WDR88: variants seen among roughly 807,000 people sequenced by gnomAD.
WDR88 encodes the protein WD repeat domain 88.
In WDR88, 40 loss-of-function variants were observed where a neutral mutation model predicts 46.8. That is an observed-to-expected ratio of 0.86 (90% CI 0.66 to 1.11). WDR88 has a LOEUF of 1.11. WDR88 is among the 50% of genes most tolerant of loss of function. The probability of loss-of-function intolerance (pLI) is 0.00; values close to 1 mark genes in which losing one functional copy is unlikely to be tolerated. For synonymous variants in WDR88, 235 were observed against 240.7 expected (o/e 0.98, Z 0.22); for missense variants, 562 against 602.4 (o/e 0.93, Z 0.70).
chr19:33,149,027 T>A, intron 5 of WDR88, 117 bp downstream of exon 5: 2 of 1,461,438 alleles, frequency 1.4e-6, no homozygotes, highest in Non-Finnish European at 1.8e-6. Context: ...ATGAAGCACG[T>A]CATTAAAGCT....
intron 8 of WDR88, among the ~76,000 whole-genome samples, chr19:33,160,969 T>C (rs1051090491): frequency 6.6e-6 from 1 of 151,692 alleles, no homozygotes; most frequent in African/African-American, 2.4e-5. Context: ...GTCAGGAGTT[T>C]GAGACCAGCC....
At position 33,175,439 on chromosome 19, in the gene WDR88, C is replaced by T. The variant is rs77589178; in HGVS notation, c.1286C>T (p.Thr429Ile). 1 of 1,614,120 alleles carries T rather than the reference C, an allele frequency of 6.2e-7. No individual in the cohort carries two copies. The highest frequency in any genetic ancestry group is 8.5e-7 in the Non-Finnish European group (1 of 1,180,018). Residue 429 changes from threonine (T) to isoleucine (I), a missense_variant, in exon 11 of 11, where the codon ACC (threonine) becomes ATC (isoleucine). Thr to Ile is a moderately conservative substitution (Grantham distance 89). Transcript: ENST00000355868. ...CCTTTCTCCATCTTCAAGAGTGACACCTCTTCTGAAATGTTCACCCAATGC... is the reference window on the plus strand; with the variant it reads ...CCTTTCTCCATCTTCAAGAGTGACATCTCTTCTGAAATGTTCACCCAATGC... The part of the protein sequence containing the change: ...DRPFSIFKSD[T>I]SSEMFTQCVF...
At chr19:33,172,233 G>A (rs1486192096) in intron 9 of WDR88, 115 bp from the exon 10 acceptor site, 1 of 830,538 alleles carries the variant, frequency 1.2e-6, no homozygotes, top group Non-Finnish European at 2.0e-6. Flanking sequence ...TGCATTGAAG[G>A]TTCCTCTGTC....
At chr19:33,173,458 C>G (rs930367128) in intron 10 of WDR88, among the ~76,000 whole-genome samples, 2 of 152,258 alleles carry the variant, frequency 1.3e-5, no homozygotes, top group Non-Finnish European at 2.9e-5. Context: ...GGAGGCAACT[C>G]TCCGCTGGAG....
At chr19:33,150,406 G>A (rs956264150) in intron 5 of WDR88, among the ~76,000 whole-genome samples, 1 of 152,216 alleles carries the variant, frequency 6.6e-6, no homozygotes, top group Non-Finnish European at 1.5e-5. Flanking sequence ...CCGAAATCGC[G>A]CCTCTGCGCT....
chr19:33,148,261 G>A (rs538789320), intron 4 of WDR88, among the ~76,000 whole-genome samples: 4 of 151,896 alleles, frequency 2.6e-5, no homozygotes, highest in East Asian at 1.9e-4. Context: ...GGGCCTCCTC[G>A]GGGTCTCCTG....
In WDR88 at chr19:33,148,771, G is replaced by T; in HGVS notation, c.541-1G>T. ...ACCTTTTGATTGCTGGCTCATTTCA[G>T]TGGAAGGTCAGGTATGATACCTTCA... is the stretch of plus-strand genomic sequence containing the variant. On this transcript the variant is annotated splice_acceptor_variant, in intron 4 of 10. Coordinates refer to ENST00000355868, the MANE Select transcript of WDR88 (RefSeq NM_173479.4). LOFTEE classifies it high-confidence loss of function. 6.2e-7 allele frequency: 1 copy of T among 1,614,094 alleles called. No homozygotes were observed. Among genetic ancestry groups the T allele is most frequent in the African/African-American group, 1.3e-5 (1 of 75,024 alleles).
intron 1 of WDR88, among the ~76,000 whole-genome samples, chr19:33,134,012 G>A (rs1281706608): frequency 2.0e-5 from 3 of 152,266 alleles, no homozygotes; most frequent in Non-Finnish European, 4.4e-5. Context: ...AGGCCCCATG[G>A]GGGAGGAGGC....
chr19:33,170,871 G>A (rs73571960), intron 9 of WDR88, among the ~76,000 whole-genome samples: 31,537 of 151,778 alleles, frequency 0.21, 4,737 homozygotes, highest in African/African-American at 0.4. Flanking sequence ...TAAAAAAAGA[G>A]AAAAAAAGAA....
intron 10 of WDR88, among the ~76,000 whole-genome samples, chr19:33,173,437 C>T (rs2145429236): frequency 6.6e-6 from 1 of 152,384 alleles, no homozygotes; most frequent in African/African-American, 2.4e-5. Flanking sequence ...CAGAGGCTGT[C>T]CCTGGGCAGT....
intron 10 of WDR88, chr19:33,174,669 G>C: frequency 1.0e-6 from 1 of 985,446 alleles, no homozygotes. Flanking sequence ...TTCTGTAAAA[G>C]TTGGGTGTTC....
intron 2 of WDR88, among the ~76,000 whole-genome samples, chr19:33,139,821 C>T (rs766415834): frequency 6.6e-6 from 1 of 152,156 alleles, no homozygotes; most frequent in Non-Finnish European, 1.5e-5. Context: ...CATACACACA[C>T]ACACACACAC....
At chr19:33,174,694 A>G (rs891459325) in intron 10 of WDR88, 3 of 985,256 alleles carry the variant, frequency 3.0e-6, no homozygotes, top group Non-Finnish European at 3.6e-6. Flanking sequence ...GATGTCAGGG[A>G]GTCATCCTCT....
rs74994260 is a variant in WDR88, at chr19:33,147,680, C to G, written c.512C>G (p.Ala171Gly). The G allele has an allele frequency of 0.055, 89,382 of 1,613,494 alleles. 2,810 individuals carry two copies. Among genetic ancestry groups the G allele is most frequent in the Non-Finnish European group, 0.062 (72,817 of 1,179,610 alleles). The change falls in exon 4 of 11, where the codon GCC becomes GGC. Residue 171 changes from alanine (A) to glycine (G), a missense_variant. Ala to Gly is a moderately conservative substitution (Grantham distance 60). Coordinates refer to ENST00000355868, the MANE Select transcript of WDR88 (RefSeq NM_173479.4). ...IAASYDKTVR[A>G]WDLETGKLLW... ...GCATCCTATGATAAGACAGTGAGGG[C>G]CTGGGACCTGGAGACAGGCAAGCTG...
chr19:33,163,533 C>CA (rs1242686941), intron 8 of WDR88, among the ~76,000 whole-genome samples: 1 of 151,592 alleles, frequency 6.6e-6, no homozygotes, highest in African/African-American at 2.4e-5. Context: ...AAAACAACAA[C>CA]AACAAAAAAA....
At chr19:33,141,057 C>T (rs573131033) in intron 2 of WDR88, among the ~76,000 whole-genome samples, 1 of 151,146 alleles carries the variant, frequency 6.6e-6, no homozygotes, top group East Asian at 2.0e-4. Flanking sequence ...CCATCTCAGC[C>T]TCCCAAGTCG....
chr19:33,171,828 C>A (rs1974043554), intron 9 of WDR88, among the ~76,000 whole-genome samples: 1 of 152,154 alleles, frequency 6.6e-6, no homozygotes, highest in Non-Finnish European at 1.5e-5. Context: ...GGCTTGAGTG[C>A]AGTGGTGCGA....
rs1973138606 is a variant in WDR88 at position 33,132,193 on chromosome 19, C to G, written c.24C>G (p.Ser8=). The G allele has an allele frequency of 1.9e-6, 3 of 1,602,518 alleles. No homozygotes were observed. Among genetic ancestry groups the G allele is most frequent in the Non-Finnish European group, 2.5e-6 (3 of 1,177,054 alleles). The change falls in exon 1 of 11, where the codon TCC becomes TCG. Residue 8 remains serine, a synonymous_variant. Transcript: ENST00000355868. The part of the protein sequence containing the change: MASPPRC[S]PTAHDRECKL... ...AGATGGCCTCCCCGCCGCGGTGCTCCCCGACAGCCCATGACAGGGAATGCA... is the reference window on the plus strand; with the variant it reads ...AGATGGCCTCCCCGCCGCGGTGCTCGCCGACAGCCCATGACAGGGAATGCA...
At chr19:33,158,864 T>C (rs1205114860) in intron 7 of WDR88, among the ~76,000 whole-genome samples, 1 of 152,200 alleles carries the variant, frequency 6.6e-6, no homozygotes, top group Non-Finnish European at 1.5e-5. Flanking sequence ...CATGCCTGGC[T>C]AATTTTTGTA....
Sources: allele counts gnomAD v4.1 joint callset (sites outside exome capture counted in the v4.1 genomes callset), GRCh38; gene constraint gnomAD v4.1.1; transcripts MANE v1.5; gene names NCBI Gene and HGNC (gene_info 2026-07-23, HGNC 2026-07-21).